FRMD3: variants seen among roughly 807,000 people sequenced by gnomAD.
FRMD3 encodes the protein FERM domain-containing protein 3.
In FRMD3, 33 loss-of-function variants were observed where a neutral mutation model predicts 70.2. The observed-to-expected ratio is 0.47, with a 90% CI of 0.36 to 0.63. FRMD3 has a LOEUF of 0.63. Ranked by LOEUF, FRMD3 falls within the 20% of genes least tolerant of loss-of-function variation. FRMD3 has a pLI of 0.00. For synonymous variants in FRMD3, 279 were observed against 255.9 expected (o/e 1.09, Z -0.86); for missense variants, 632 against 711.4 (o/e 0.89, Z 1.27).
chr9:83,574,725 G>A, the FRMD3 span, among the ~76,000 whole-genome samples: 1 of 152,098 alleles, frequency 6.6e-6, no homozygotes, highest in South Asian at 2.1e-4. Flanking sequence ...TGTACCTAAG[G>A]CTCTATTTTG....
chr9:83,517,048 A>G (rs548358242), intron 1 of FRMD3, among the ~76,000 whole-genome samples: 1 of 152,306 alleles, frequency 6.6e-6, no homozygotes, highest in Admixed American at 6.5e-5. Context: ...CCCTAACATC[A>G]CAATTAAAAG....
intron 1 of FRMD3, among the ~76,000 whole-genome samples, chr9:83,399,974 A>T (rs1014886067): frequency 6.6e-6 from 1 of 152,142 alleles, no homozygotes; most frequent in Non-Finnish European, 1.5e-5. Flanking sequence ...TGGAAGTCCT[A>T]GCTAATGCAG....
chr9:83,450,357 T>TG (rs1564083377), intron 1 of FRMD3, among the ~76,000 whole-genome samples: 4 of 140,454 alleles, frequency 2.8e-5, no homozygotes, highest in East Asian at 4.1e-4. Flanking sequence ...GTTTTTTTTT[T>TG]TTTTTTTTTT....
chr9:83,244,987 ATATATT>A lies in FRMD3; in HGVS notation c.*2925_*2930del. On this transcript the variant is annotated 3_prime_UTR_variant, in exon 14 of 14. Coordinates refer to ENST00000304195, the MANE Select transcript of FRMD3 (RefSeq NM_174938.6). The stretch of plus-strand genomic sequence containing the variant: ...TTTGCCATATGTGTGTGTGTATTAT[ATATATT>A]TATTTATATCCACAAATGTACACTC... 2.0e-6 allele frequency: 2 copies of A among 981,504 alleles called. No homozygotes were observed. The highest frequency in any genetic ancestry group is 1.2e-6 in the Non-Finnish European group (1 of 826,420). 60.8% of individuals were successfully genotyped at this position (981,504 alleles called of 1,614,324 possible). A position where few individuals can be genotyped will look rare whatever the true frequency, so the allele number is the denominator to read the frequency against.
the FRMD3 span, among the ~76,000 whole-genome samples, chr9:83,584,230 G>A: frequency 1.8e-3 from 278 of 152,152 alleles, 3 homozygotes; most frequent in African/African-American, 6.6e-3. Context: ...CAGCTACTCG[G>A]GACCTGGGAG....
chr9:83,583,178 T>C, the FRMD3 span, among the ~76,000 whole-genome samples: 2 of 152,252 alleles, frequency 1.3e-5, no homozygotes, highest in African/African-American at 4.8e-5. Flanking sequence ...TTCTTATTTT[T>C]ACTGGCTTTT....
the FRMD3 span, among the ~76,000 whole-genome samples, chr9:83,569,017 T>C: frequency 1.3e-5 from 2 of 151,282 alleles, no homozygotes; most frequent in African/African-American, 4.9e-5. Flanking sequence ...GGACACAATA[T>C]TGGGAAATGA....
intron 10 of FRMD3, among the ~76,000 whole-genome samples, chr9:83,305,299 A>T (rs1171651346): frequency 1.3e-5 from 2 of 152,178 alleles, no homozygotes; most frequent in Admixed American, 1.3e-4. Context: ...CTGCTGCTCA[A>T]AATACTCTCA....
intron 1 of FRMD3, among the ~76,000 whole-genome samples, chr9:83,501,293 C>CA (rs200128163): frequency 0.088 from 12,575 of 142,430 alleles, 619 homozygotes; most frequent in East Asian, 0.26. Context: ...GACTCCATCT[C>CA]AAAAAAAAAA....
At chr9:83,303,027 C>T (rs1834985042) in intron 10 of FRMD3, among the ~76,000 whole-genome samples, 1 of 152,196 alleles carries the variant, frequency 6.6e-6, no homozygotes, top group African/African-American at 2.4e-5. Context: ...TCTCCCCAAC[C>T]TGCAATTTCT....
intron 2 of FRMD3, among the ~76,000 whole-genome samples, chr9:83,388,507 A>G (rs1825574301): frequency 6.6e-6 from 1 of 152,100 alleles, no homozygotes; most frequent in South Asian, 2.1e-4. Context: ...CATGGCTGGG[A>G]CCCACCCCAT....
rs17854110 is a variant in FRMD3 at position 83,335,616 on chromosome 9, C to T, written c.496G>A (p.Asp166Asn). Reference sequence around the variant, plus strand: ...CTGATGTAATTCTCAGGATGCTCATCAGGATCGTAATCACCAAGCTCAGCT... The same window carrying T: ...CTGATGTAATTCTCAGGATGCTCATTAGGATCGTAATCACCAAGCTCAGCT... Reference protein sequence around the residue: ...VQAELGDYDPDEHPENYISEF... With the variant: ...VQAELGDYDPNEHPENYISEF... The change falls in exon 6 of 14, where the codon GAT becomes AAT. Residue 166 changes from aspartate (D) to asparagine (N), a missense_variant. Coordinates refer to ENST00000304195, the MANE Select transcript of FRMD3 (RefSeq NM_174938.6). The T allele has an allele frequency of 1.2e-6, 2 of 1,613,218 alleles. No homozygotes were observed. The highest frequency in any genetic ancestry group is 1.7e-6 in the Non-Finnish European group (2 of 1,179,464).
rs267602292 is a variant in FRMD3 at position 83,248,172 on chromosome 9, T to G, written c.1540A>C (p.Ile514Leu). 1 of 1,614,232 alleles carries G rather than the reference T, an allele frequency of 6.2e-7. No homozygotes were observed. ...TTCACCCGAATATGGCCAGTCAGAA[T>G]GTCATAGCTCCACGACAAAGCACGG... ...ARRALSWSYD[I>L]LTGHIRVNPL... The change falls in exon 14 of 14, where the codon ATT becomes CTT. Residue 514 changes from isoleucine to leucine, a missense_variant. By Grantham distance (5) the Ile-to-Leu change is conservative. Transcript: ENST00000304195.
chr9:83,316,911 T>G (rs1054619821), intron 6 of FRMD3, among the ~76,000 whole-genome samples: 3 of 152,106 alleles, frequency 2.0e-5, no homozygotes, highest in African/African-American at 7.2e-5. Flanking sequence ...ATACAGAAAA[T>G]TATTGAAGTC....
intron 13 of FRMD3, among the ~76,000 whole-genome samples, chr9:83,262,938 T>G (rs1010753078): frequency 6.6e-6 from 1 of 152,220 alleles, no homozygotes; most frequent in African/African-American, 2.4e-5. Context: ...TTGGTCACAT[T>G]TGGTTTTAAA....
chr9:83,508,733 C>T (rs112173072), intron 1 of FRMD3, among the ~76,000 whole-genome samples: 1,887 of 152,252 alleles, frequency 0.012, 49 homozygotes, highest in African/African-American at 0.044. Context: ...CAGGGAGTGA[C>T]AAACTGCAGC....
At chr9:83,265,253 A>T (rs2118740590) in intron 13 of FRMD3, among the ~76,000 whole-genome samples, 1 of 152,148 alleles carries the variant, frequency 6.6e-6, no homozygotes, top group African/African-American at 2.4e-5. Flanking sequence ...ACAAAAAATT[A>T]GCCGGGCGTG....
At chr9:83,352,445 C>T (rs1207800978) in intron 3 of FRMD3, among the ~76,000 whole-genome samples, 1 of 152,208 alleles carries the variant, frequency 6.6e-6, no homozygotes, top group Non-Finnish European at 1.5e-5. Flanking sequence ...GTGACTCACA[C>T]TTGTTCCAAA....
the FRMD3 span, among the ~76,000 whole-genome samples, chr9:83,559,292 T>G: frequency 6.6e-6 from 1 of 152,342 alleles, no homozygotes; most frequent in Admixed American, 6.5e-5. Flanking sequence ...GCAAAAAGAT[T>G]ATGACTCACT....
Sources: allele counts gnomAD v4.1 joint callset (sites outside exome capture counted in the v4.1 genomes callset), GRCh38; gene constraint gnomAD v4.1.1; transcripts MANE v1.5; gene names NCBI Gene and HGNC (gene_info 2026-07-23, HGNC 2026-07-21).